Variants in PTPRD observed in about 807,000 individuals in gnomAD.
The protein encoded by PTPRD is protein tyrosine phosphatase receptor type D, also known as receptor-type tyrosine-protein phosphatase delta.
A neutral mutation model predicts 214.5 loss-of-function variants in PTPRD; 34 were observed. The ratio of observed to expected loss-of-function variants is 0.16; its 90% CI spans 0.12 to 0.21. PTPRD has a LOEUF of 0.21. Ranked by LOEUF, PTPRD falls within the 10% of genes least tolerant of loss-of-function variation. The pLI is 1.00. For synonymous variants in PTPRD, 1,128 were observed against 845.7 expected, an observed-to-expected ratio of 1.33 and a Z score of -5.79; for missense variants, 2,545 against 2,398.7, an observed-to-expected ratio of 1.06 and a Z score of -1.27.
rs79288227 is a variant in PTPRD, at chr9:9,725,579, G to A, written c.-287+8954C>T. ...ACATTCAGGGCTTGCTTAATAAGTT[G>A]GTTCTCCTTATCTCCATTCCATTTT... On this transcript the variant is annotated intron_variant, in intron 7 of 45. Coordinates refer to ENST00000381196, the MANE Select transcript of PTPRD (RefSeq NM_002839.4). Among the ~76,000 whole-genome samples the A allele has an allele frequency of 4.4e-3, 665 of 152,062 alleles. 6 individuals carry two copies. Among genetic ancestry groups the A allele is most frequent in the African/African-American group, 0.015 (622 of 41,496 alleles).
chr9:10,371,081 T>C (rs2097603969), intron 2 of PTPRD, among the ~76,000 whole-genome samples: 1 of 152,076 alleles, frequency 6.6e-6, no homozygotes, highest in African/African-American at 2.4e-5. Flanking sequence ...TTTGTGCTTC[T>C]CAGTGATCAT....
rs78091533 is a variant in PTPRD, at chr9:9,396,252, G to A, written c.-203+1197C>T. On this transcript the variant is annotated intron_variant, in intron 9 of 45. Transcript: ENST00000381196. ...CTTGATTGAAGTCCCTTGGGGAGCC[G>A]TCAAAGGAACAGAGTTATTTATATA... is the stretch of plus-strand genomic sequence containing the variant. 6.8e-3 allele frequency among the ~76,000 whole-genome samples: 1,031 copies of A among 152,008 alleles called. 11 individuals carry two copies. Among genetic ancestry groups the A allele is most frequent in the African/African-American group, 0.024 (982 of 41,494 alleles).
chr9:9,367,643 T>G (rs990665335), intron 9 of PTPRD, among the ~76,000 whole-genome samples: 5 of 151,478 alleles, frequency 3.3e-5, no homozygotes, highest in African/African-American at 1.2e-4. Context: ...GAAGTTAAAT[T>G]TTTAGGCTAT....
chr9:10,456,846 C>T (rs1340624545), intron 2 of PTPRD, among the ~76,000 whole-genome samples: 3 of 151,852 alleles, frequency 2.0e-5, no homozygotes, highest in African/African-American at 7.2e-5. Context: ...TTAGAAAATT[C>T]ATTGCATATA....
At chr9:10,438,154 G>C (rs1213137408) in intron 2 of PTPRD, among the ~76,000 whole-genome samples, 3 of 150,884 alleles carry the variant, frequency 2.0e-5, no homozygotes, top group Non-Finnish European at 4.4e-5. Flanking sequence ...CATTTATTAA[G>C]TAAGTCATTT....
intron 4 of PTPRD, among the ~76,000 whole-genome samples, chr9:9,944,806 G>A (rs536932413): frequency 1.3e-5 from 2 of 152,128 alleles, no homozygotes; most frequent in African/African-American, 4.8e-5. Flanking sequence ...AAAAACTGGA[G>A]ACATTAGCTT....
At chr9:9,499,557 T>C (rs182942751) in intron 8 of PTPRD, among the ~76,000 whole-genome samples, 22 of 152,254 alleles carry the variant, frequency 1.4e-4, no homozygotes, top group Admixed American at 1.4e-3. Context: ...GACATTATTT[T>C]TGCTGGTAAA....
At chr9:8,534,102 T>C (rs907411557) in intron 14 of PTPRD, among the ~76,000 whole-genome samples, 2 of 152,038 alleles carry the variant, frequency 1.3e-5, no homozygotes, top group Admixed American at 6.6e-5. Context: ...TTTCCTTCCA[T>C]TGAGAATATG....
chr9:10,389,695 C>G (rs192313149), intron 2 of PTPRD, among the ~76,000 whole-genome samples: 15 of 151,942 alleles, frequency 9.9e-5, no homozygotes, highest in African/African-American at 3.1e-4. Context: ...ACTCCACATC[C>G]TTGATTTTCT....
chr9:8,768,132 C>T (rs1447231539), intron 11 of PTPRD, among the ~76,000 whole-genome samples: 1 of 152,166 alleles, frequency 6.6e-6, no homozygotes, highest in Non-Finnish European at 1.5e-5. Context: ...TGATAGCTCA[C>T]ATCTATAATA....
At chr9:9,389,623 G>A (rs1237189841) in intron 9 of PTPRD, among the ~76,000 whole-genome samples, 3 of 152,060 alleles carry the variant, frequency 2.0e-5, no homozygotes, top group African/African-American at 7.2e-5. Flanking sequence ...ACCAACCATT[G>A]AGAAGCCTTG....
intron 3 of PTPRD, among the ~76,000 whole-genome samples, chr9:10,211,938 C>T (rs1269650388): frequency 1.3e-5 from 2 of 152,248 alleles, no homozygotes; most frequent in East Asian, 3.9e-4. Flanking sequence ...ACTTGTACTC[C>T]TTAAATGTAT....
intron 35 of PTPRD, among the ~76,000 whole-genome samples, chr9:8,405,050 T>C (rs1483095945): frequency 1.3e-5 from 2 of 152,206 alleles, no homozygotes; most frequent in African/African-American, 4.8e-5. Flanking sequence ...TTCTTTCCTA[T>C]CTGGACCTAA....
intron 8 of PTPRD, among the ~76,000 whole-genome samples, chr9:9,402,691 T>C (rs2071164165): frequency 6.6e-6 from 1 of 151,712 alleles, no homozygotes; most frequent in Non-Finnish European, 1.5e-5. Flanking sequence ...TATTTAAAAT[T>C]ATTAAAAATA....
In PTPRD at chr9:9,861,262, G is replaced by T. The variant is rs114242613; in HGVS notation, c.-368+77245C>A. Among the ~76,000 whole-genome samples the T allele has an allele frequency of 5.2e-3, 784 of 152,074 alleles. 10 individuals are homozygous for T. The highest frequency in any genetic ancestry group is 0.018 in the African/African-American group (757 of 41,526). ...ACATGGTATGAAAGTAATTAAGATT[G>T]AAATAGTTATTTTATTTTATTTTTT... is the stretch of plus-strand genomic sequence containing the variant. On this transcript the variant is annotated intron_variant, in intron 5 of 45. Transcript: ENST00000381196.
rs540756404 is a variant in PTPRD, at chr9:10,589,695, G to A, written c.-600+22703C>T. ...CTGACACGAGACAGCAGAAACTGAT[G>A]GATACAGTGGCATCTATGAGATATC... On this transcript the variant is annotated intron_variant, in intron 2 of 45. Coordinates refer to ENST00000381196, the MANE Select transcript of PTPRD (RefSeq NM_002839.4). Among the ~76,000 whole-genome samples the A allele has an allele frequency of 4.6e-5, 7 of 152,082 alleles. No homozygotes were observed. The South Asian group carries it at 1.2e-3, about 27-fold the overall frequency.
At chr9:9,347,840 G>A (rs2049453964) in intron 9 of PTPRD, among the ~76,000 whole-genome samples, 1 of 152,076 alleles carries the variant, frequency 6.6e-6, no homozygotes, top group Non-Finnish European at 1.5e-5. Flanking sequence ...AGCAATGACT[G>A]GAAGAATTCA....
intron 10 of PTPRD, among the ~76,000 whole-genome samples, chr9:9,108,139 T>A (rs2099801244): frequency 6.6e-6 from 1 of 152,182 alleles, no homozygotes; most frequent in Non-Finnish European, 1.5e-5. Flanking sequence ...GCCTGCAGCA[T>A]CATAGTTTTC....
intron 14 of PTPRD, among the ~76,000 whole-genome samples, chr9:8,613,058 T>C (rs1379692622): frequency 6.6e-6 from 1 of 152,200 alleles, no homozygotes; most frequent in African/African-American, 2.4e-5. Flanking sequence ...AACAAAACCC[T>C]AACATTTATT....
Sources: allele counts gnomAD v4.1 joint callset (sites outside exome capture counted in the v4.1 genomes callset), GRCh38; gene constraint gnomAD v4.1.1; transcripts MANE v1.5; gene names NCBI Gene and HGNC (gene_info 2026-07-23, HGNC 2026-07-21).